DMD: variants seen among roughly 807,000 people sequenced by gnomAD.
DMD encodes the protein mutant dystrophin.
A neutral mutation model predicts 330.1 loss-of-function variants in DMD; 63 were observed. The observed-to-expected ratio is 0.19, with a 90% CI of 0.16 to 0.24. The LOEUF is 0.24. Ranked by LOEUF, DMD falls within the 10% of genes least tolerant of loss-of-function variation. The pLI is 1.00. For synonymous variants in DMD, 1,223 were observed against 959.8 expected (o/e 1.27, Z -5.07); for missense variants, 3,344 against 2,684.1 (o/e 1.25, Z -5.43).
chrX:32,238,031 T>C (rs1239889940), intron 43 of DMD, among the ~76,000 whole-genome samples: 1 of 112,043 alleles, frequency 8.9e-6, no homozygotes, highest in East Asian at 2.8e-4. Context: ...TAGAGTATAT[T>C]TTTGAAAATA....
intron 1 of DMD, among the ~76,000 whole-genome samples, chrX:33,031,263 T>C (rs904230437): frequency 1.0e-5 from 1 of 100,440 alleles, no homozygotes; most frequent in East Asian, 3.2e-4. Flanking sequence ...GGGGCAACCC[T>C]CAATAAACGA....
At chrX:32,585,870 G>C (rs1486202329) in intron 13 of DMD, among the ~76,000 whole-genome samples, 1 of 109,590 alleles carries the variant, frequency 9.1e-6, no homozygotes, top group Non-Finnish European at 1.9e-5. Flanking sequence ...AAATTATAAA[G>C]TCAGAATAGA....
intron 55 of DMD, among the ~76,000 whole-genome samples, chrX:31,516,276 C>T (rs1001368759): frequency 6.4e-5 from 5 of 78,511 alleles, no homozygotes; most frequent in African/African-American, 2.4e-4. Flanking sequence ...TTAAAACAAG[C>T]GCAAAAAAAA....
At chrX:31,145,837 A>C (rs1277696135) in intron 76 of DMD, among the ~76,000 whole-genome samples, 1 of 110,577 alleles carries the variant, frequency 9.0e-6, no homozygotes, top group Non-Finnish European at 1.9e-5. Context: ...TAATTTTTCT[A>C]TTTTTAGTAG....
intron 62 of DMD, among the ~76,000 whole-genome samples, chrX:31,311,927 C>T (rs1029026404): frequency 9.0e-6 from 1 of 111,487 alleles, no homozygotes; most frequent in Admixed American, 9.5e-5. Flanking sequence ...AACTGGACCC[C>T]TCCCTTACAG....
intron 7 of DMD, among the ~76,000 whole-genome samples, chrX:32,797,560 G>A (rs180723517): frequency 8.9e-6 from 1 of 112,148 alleles, no homozygotes; most frequent in Non-Finnish European, 1.9e-5. Flanking sequence ...AATATCTCAT[G>A]TATTCCTTCA....
intron 17 of DMD, 32 bp downstream of exon 17, chrX:32,545,127 C>A: frequency 8.4e-7 from 1 of 1,191,598 alleles, no homozygotes; most frequent in Non-Finnish European, 1.1e-6. Context: ...TTCTCCACTT[C>A]ATTTGCAGAT....
chrX:31,695,276 G>A (rs1261775860), intron 52 of DMD, among the ~76,000 whole-genome samples: 1 of 110,771 alleles, frequency 9.0e-6, no homozygotes, highest in Non-Finnish European at 1.9e-5. Flanking sequence ...GCTACAAAGG[G>A]TAGTGTGGAG....
chrX:32,725,202 C>A (rs779976271), intron 7 of DMD, among the ~76,000 whole-genome samples: 1 of 111,026 alleles, frequency 9.0e-6, no homozygotes, highest in South Asian at 3.7e-4. Flanking sequence ...AAGGGTGTTC[C>A]AGAAATTTCA....
At chrX:32,493,168 T>C (rs896152024) in intron 19 of DMD, among the ~76,000 whole-genome samples, 2 of 111,609 alleles carry the variant, frequency 1.8e-5, no homozygotes, top group African/African-American at 6.5e-5. Flanking sequence ...AACTATATTA[T>C]TTTATCCTCT....
intron 59 of DMD, among the ~76,000 whole-genome samples, chrX:31,451,242 TTTCC>T (rs200559359): frequency 0.18 from 16,993 of 94,777 alleles, 2,305 homozygotes; most frequent in African/African-American, 0.38. Context: ...CTCTTTTTTC[TTTCC>T]TTCCTTCCTT....
chrX:33,339,351 T>C, exon 1 of DMD: 1 of 953,276 alleles, frequency 1.0e-6, no homozygotes, highest in Non-Finnish European at 1.4e-6. Context: ...ATCTTTCTCC[T>C]GATTCTGTCA....
intron 55 of DMD, among the ~76,000 whole-genome samples, chrX:31,536,726 C>A (rs763078653): frequency 2.7e-5 from 3 of 111,700 alleles, no homozygotes; most frequent in Non-Finnish European, 5.7e-5. Flanking sequence ...TTCCCTTCTC[C>A]CCTGATGTTG....
At position 32,464,664 on chromosome X, in the gene DMD, T is replaced by G. The variant is rs1334068605; in HGVS notation, c.3198A>C (p.Glu1066Asp). Residue 1066 changes from glutamate to aspartate, a missense_variant, in exon 24 of 79, where the codon GAA becomes GAC. Transcript: ENST00000357033. ...ATTCCTCCTTCAGAAAAACATCAAC[T>G]TCAGCCATCCATTTCTTCAGGGTTT... ...HIQTLKKWMAEVDVFLKEEWP... is the reference protein window; with the variant it reads ...HIQTLKKWMADVDVFLKEEWP... 1.7e-6 allele frequency: 2 copies of G among 1,209,490 alleles called. No homozygotes were observed. The highest frequency in any genetic ancestry group is 2.2e-6 in the Non-Finnish European group (2 of 893,477).
intron 43 of DMD, among the ~76,000 whole-genome samples, chrX:32,267,064 T>C (rs1252367885): frequency 1.8e-5 from 2 of 112,388 alleles, no homozygotes; most frequent in Non-Finnish European, 3.8e-5. Context: ...CCATTCCTAA[T>C]GCCCCAGATT....
intron 16 of DMD, among the ~76,000 whole-genome samples, chrX:32,551,336 A>C (rs1034751295): frequency 3.8e-4 from 42 of 111,673 alleles, no homozygotes; most frequent in African/African-American, 1.3e-3. Flanking sequence ...TTCAACATAC[A>C]CAAGTCAATA....
chrX:31,375,164 C>A (rs1399204379), intron 60 of DMD, among the ~76,000 whole-genome samples: 1 of 112,112 alleles, frequency 8.9e-6, no homozygotes, highest in Non-Finnish European at 1.9e-5. Flanking sequence ...TGACTTTTCA[C>A]AAAACATTTT....
At chrX:33,047,618 A>C (rs2094400962) in intron 1 of DMD, among the ~76,000 whole-genome samples, 1 of 112,608 alleles carries the variant, frequency 8.9e-6, no homozygotes, top group Admixed American at 9.4e-5. Flanking sequence ...ATTTTCCAAA[A>C]GGAAACAAAT....
At chrX:32,706,331 T>C (rs2064652417) in intron 7 of DMD, among the ~76,000 whole-genome samples, 1 of 108,138 alleles carries the variant, frequency 9.2e-6, no homozygotes, top group Non-Finnish European at 1.9e-5. Context: ...CATGTATACA[T>C]ATGTAACAAA....
Sources: allele counts gnomAD v4.1 joint callset (sites outside exome capture counted in the v4.1 genomes callset), GRCh38; gene constraint gnomAD v4.1.1; transcripts MANE v1.5; gene names NCBI Gene and HGNC (gene_info 2026-07-23, HGNC 2026-07-21).